Variants in CCDC85C observed in about 807,000 individuals in gnomAD.
CCDC85C encodes the protein coiled-coil domain containing 85C.
In CCDC85C, 18 loss-of-function variants were observed where a neutral mutation model predicts 38.3. The ratio of observed to expected loss-of-function variants is 0.47; its 90% CI spans 0.33 to 0.70. The LOEUF is 0.70. Among genes scored for constraint, CCDC85C ranks in the 30% least tolerant of loss-of-function variants. The pLI, the probability that CCDC85C is intolerant of heterozygous loss-of-function variation, is 0.03. For missense variants in CCDC85C, 566 were observed against 621.2 expected, an observed-to-expected ratio of 0.91 and a Z score of 0.94; for synonymous variants, 264 against 293.8, an observed-to-expected ratio of 0.90 and a Z score of 1.04.
intron 1 of CCDC85C, among the ~76,000 whole-genome samples, chr14:99,598,525 G>T (rs1232544239): frequency 1.3e-5 from 2 of 152,130 alleles, no homozygotes; most frequent in Non-Finnish European, 2.9e-5. Context: ...GGCCCACCCT[G>T]CACCGCCTTC....
At chr14:99,577,815 A>T (rs1230220112) in intron 1 of CCDC85C, among the ~76,000 whole-genome samples, 1 of 99,052 alleles carries the variant, frequency 1.0e-5, no homozygotes. Flanking sequence ...GTGTGTGTGT[A>T]CACATCACAC....
rs1452491369 is a variant in CCDC85C at position 99,520,251 on chromosome 14, C to T, written c.975+1882G>A. ...AGTGTCTGAGCCCGGAGACGGCCCT[C>T]TCTGGATAACCCCCTCACTCTCCCC... is the stretch of plus-strand genomic sequence containing the variant. On this transcript the variant is annotated intron_variant, in intron 3 of 5. Coordinates refer to ENST00000380243, the MANE Select transcript of CCDC85C (RefSeq NM_001144995.2). This position sits in a 1 kb window ranked among gnomAD's most constrained non-coding sequence, Gnocchi z 4.1. Among the ~76,000 whole-genome samples the T allele has an allele frequency of 5.3e-5, 8 of 152,192 alleles. No individual in the cohort carries two copies. The highest frequency in any genetic ancestry group is 2.9e-5 in the Non-Finnish European group (2 of 68,022).
At chr14:99,589,132 G>A (rs2055057559) in intron 1 of CCDC85C, among the ~76,000 whole-genome samples, 1 of 152,000 alleles carries the variant, frequency 6.6e-6, no homozygotes, top group South Asian at 2.1e-4. Flanking sequence ...AGGCAGGGGT[G>A]AGCACAGAGC....
At chr14:99,546,447 TG>T (rs1897809920) in intron 1 of CCDC85C, among the ~76,000 whole-genome samples, 1 of 151,894 alleles carries the variant, frequency 6.6e-6, no homozygotes, top group Admixed American at 6.5e-5. Context: ...GGAAGGCACT[TG>T]ATCTGCGGTG....
rs903801110 is a variant in CCDC85C at position 99,516,330 on chromosome 14, A to C, written c.1072-44T>G. 7.0e-7 allele frequency: 1 copy of C among 1,437,996 alleles called. No individual in the cohort carries two copies. The highest frequency in any genetic ancestry group is 2.5e-5 in the East Asian group (1 of 40,242). 89.1% of individuals were successfully genotyped at this position (1,437,996 alleles called of 1,614,324 possible). A position where few individuals can be genotyped will look rare whatever the true frequency, so the allele number is the denominator to read the frequency against. On this transcript the variant is annotated intron_variant, in intron 4 of 5. Coordinates refer to ENST00000380243, the MANE Select transcript of CCDC85C (RefSeq NM_001144995.2). The surrounding 1 kb of genome is among the most constrained non-coding windows in gnomAD (Gnocchi z 5.5). ...GGGGTCAGGGGCAGAGGCCACCGGC[A>C]GACCTCGGGCAAGTCACCTGGCCCC... is the stretch of plus-strand genomic sequence containing the variant.
At chr14:99,601,291 T>C (rs947356893) in intron 1 of CCDC85C, among the ~76,000 whole-genome samples, 2 of 152,198 alleles carry the variant, frequency 1.3e-5, no homozygotes, top group African/African-American at 4.8e-5. Flanking sequence ...ATGGGTTCTG[T>C]GGGAAACCCT....
In CCDC85C at chr14:99,562,672, T is replaced by C. The variant is rs183422831; in HGVS notation, c.794-26584A>G. On this transcript the variant is annotated intron_variant, in intron 1 of 5. Transcript: ENST00000380243. ...TGGGTGAGAGGTGTGTCCCAAGGGT[T>C]CTCACGGAAACAGAAGGTCACAAAG... 6.2e-3 allele frequency among the ~76,000 whole-genome samples: 941 copies of C among 152,210 alleles called. 4 individuals carry two copies. Among genetic ancestry groups the C allele is most frequent in the Non-Finnish European group, 9.1e-3 (616 of 68,002 alleles).
At position 99,541,339 on chromosome 14, in the gene CCDC85C, G is replaced by A. The variant is rs529394114; in HGVS notation, c.794-5251C>T. Among the ~76,000 whole-genome samples, 10 of 152,242 alleles carry A rather than the reference G, an allele frequency of 6.6e-5. No individual in the cohort carries two copies. The East Asian group carries it at 1.2e-3, about 18-fold the overall frequency. Reference sequence around the variant, plus strand: ...GGGGAACCCCAGACAAGGAGCTGCCGAGGCTACAGGGGGCAGAGCATCCTG... The same window carrying A: ...GGGGAACCCCAGACAAGGAGCTGCCAAGGCTACAGGGGGCAGAGCATCCTG... On this transcript the variant is annotated intron_variant, in intron 1 of 5. Coordinates refer to ENST00000380243, the MANE Select transcript of CCDC85C (RefSeq NM_001144995.2).
intron 2 of CCDC85C, 139 bp from the exon 3 acceptor site, chr14:99,522,379 G>A (rs1380856133): frequency 1.3e-5 from 8 of 597,584 alleles, no homozygotes; most frequent in South Asian, 4.1e-5. Context: ...CCTCCACACC[G>A]CTTATCCATC....
At position 99,515,242 on chromosome 14, in the gene CCDC85C, G is replaced by T. The variant is rs1276385217; in HGVS notation, c.*4C>A. ...GGCCAGTCCACGTCCACAGAAGAGT[G>T]GCCCTACAAAGGCCCCTTGAACTGG... On this transcript the variant is annotated 3_prime_UTR_variant, in exon 6 of 6. Transcript: ENST00000380243. 2 of 1,549,350 alleles carry T rather than the reference G, an allele frequency of 1.3e-6. No homozygotes were observed. Among genetic ancestry groups the T allele is most frequent in the South Asian group, 2.4e-5 (2 of 84,004 alleles).
chr14:99,517,236 T>C (rs1366461548), intron 3 of CCDC85C, 53 bp from the exon 4 acceptor site: 1 of 1,380,766 alleles, frequency 7.2e-7, no homozygotes, highest in Non-Finnish European at 9.8e-7. Flanking sequence ...CCCACAGGAA[T>C]GACCGGTGGC....
intron 1 of CCDC85C, among the ~76,000 whole-genome samples, chr14:99,555,267 C>T (rs1897988573): frequency 6.6e-6 from 1 of 152,224 alleles, no homozygotes; most frequent in Non-Finnish European, 1.5e-5. Flanking sequence ...CCCTCAGAGC[C>T]TCATGGGATG....
chr14:99,502,672 T>A lies in CCDC85C; in HGVS notation c.*12574A>T, dbSNP rs762627982. The A allele has an allele frequency of 1.3e-6, 2 of 1,574,036 alleles. No individual in the cohort carries two copies. Among genetic ancestry groups the A allele is most frequent in the African/African-American group, 2.7e-5 (2 of 73,930 alleles). The stretch of plus-strand genomic sequence containing the variant: ...GATTCTTTATCCAGGTAAAATTTTA[T>A]TTAAAATACCAATTTGTGTAAAATG... On this transcript the variant is annotated 3_prime_UTR_variant, in exon 6 of 6. Transcript: ENST00000380243.
intron 1 of CCDC85C, among the ~76,000 whole-genome samples, chr14:99,596,861 G>A (rs531800965): frequency 1.2e-4 from 19 of 152,274 alleles, no homozygotes; most frequent in South Asian, 1.0e-3. Context: ...TGGGAGTAGC[G>A]GGGAGCAGCA....
chr14:99,559,784 C>T (rs114495421), intron 1 of CCDC85C, among the ~76,000 whole-genome samples: 488 of 152,256 alleles, frequency 3.2e-3, no homozygotes, highest in African/African-American at 0.011. Context: ...AGGAAAAATG[C>T]ATCTGATGCA....
chr14:99,501,630 T>C lies in CCDC85C; in HGVS notation c.*13616A>G, dbSNP rs3918088. 3.6e-3 allele frequency: 1,905 copies of C among 522,430 alleles called. 28 individuals are homozygous for C. The highest frequency in any genetic ancestry group is 0.032 in the African/African-American group (1,645 of 51,532). The allele number at this position is 522,430 out of a possible 1,614,324, so 32.4% of individuals were successfully genotyped here. ...GCCGTGTCATGGTGTTGTGAGGTGCTGAAATTTTATCACCAGTCTGAAACA... is the reference window on the plus strand; with the variant it reads ...GCCGTGTCATGGTGTTGTGAGGTGCCGAAATTTTATCACCAGTCTGAAACA... On this transcript the variant is annotated 3_prime_UTR_variant, in exon 6 of 6. Coordinates refer to ENST00000380243, the MANE Select transcript of CCDC85C (RefSeq NM_001144995.2).
intron 5 of CCDC85C, among the ~76,000 whole-genome samples, chr14:99,515,569 C>T (rs749419756): frequency 5.3e-5 from 8 of 152,164 alleles, no homozygotes; most frequent in Non-Finnish European, 1.0e-4. Flanking sequence ...TGCAGCTGTC[C>T]AGTGGGGTCC....
chr14:99,593,514 T>C (rs984337995), intron 1 of CCDC85C, among the ~76,000 whole-genome samples: 3 of 152,058 alleles, frequency 2.0e-5, no homozygotes, highest in Non-Finnish European at 2.9e-5. Flanking sequence ...GGCAGGGAGG[T>C]AGGGGTGCAA....
In CCDC85C at chr14:99,502,801, C is replaced by T. The variant is rs745738824; in HGVS notation, c.*12445G>A. 2 of 1,613,800 alleles carry T rather than the reference C, an allele frequency of 1.2e-6. No homozygotes were observed. Among genetic ancestry groups the T allele is most frequent in the South Asian group, 1.1e-5 (1 of 91,074 alleles). On this transcript the variant is annotated 3_prime_UTR_variant, in exon 6 of 6. Transcript: ENST00000380243. ...ACACCCCCCATCAGCTGCAACAGCCCCCATCTCTTCAGCCTACACCACAAG... is the reference window on the plus strand; with the variant it reads ...ACACCCCCCATCAGCTGCAACAGCCTCCATCTCTTCAGCCTACACCACAAG...
Sources: gnomAD v4.1 joint callset for allele counts (sites outside exome capture counted in the v4.1 genomes callset) on GRCh38, gnomAD v4.1.1 for gene constraint, Gnocchi (gnomAD v3.1) non-coding constraint, MANE v1.5 for transcripts, NCBI Gene and HGNC (gene_info 2026-07-23, HGNC 2026-07-21) for gene names.